DNAI7: variants seen among roughly 807,000 people sequenced by gnomAD.
The protein encoded by DNAI7 is cancer susceptibility 1.
Under a neutral mutation model 86.6 loss-of-function variants are expected in DNAI7, and 78 were observed. That is an observed-to-expected ratio of 0.90 (90% CI 0.75 to 1.09). The LOEUF is 1.09. DNAI7 is among the 50% of genes least tolerant of loss of function. DNAI7 has a pLI of 0.00. For missense variants in DNAI7, 753 were observed against 810.2 expected, an observed-to-expected ratio of 0.93 and a Z score of 0.86; for synonymous variants, 274 against 273.0, an observed-to-expected ratio of 1.00 and a Z score of -0.04.
intron 9 of DNAI7, among the ~76,000 whole-genome samples, chr12:25,142,265 A>G (rs913621869): frequency 6.6e-6 from 1 of 152,118 alleles, no homozygotes; most frequent in Admixed American, 6.6e-5. Flanking sequence ...CAAACATCAC[A>G]TATTCTCACT....
intron 10 of DNAI7, 137 bp downstream of exon 10, chr12:25,123,074 C>A (rs1941569458): frequency 1.7e-6 from 1 of 600,936 alleles, no homozygotes; most frequent in Non-Finnish European, 2.9e-6. Context: ...ACTGGTATCT[C>A]AGAAAAGGGA....
intron 4 of DNAI7, among the ~76,000 whole-genome samples, chr12:25,156,568 C>A (rs1438933063): frequency 6.6e-6 from 1 of 152,000 alleles, no homozygotes; most frequent in Non-Finnish European, 1.5e-5. Context: ...CAGCCTGGCC[C>A]CATCTCTATT....
chr12:25,107,672 A>G (rs1441886997), downstream of DNAI7: 11 of 725,108 alleles, frequency 1.5e-5, no homozygotes, highest in Non-Finnish European at 2.2e-5. Context: ...TGTTTCCAAA[A>G]CCAAAATGAT....
In DNAI7 at chr12:25,114,601, TCAAAATGGTTTAC is replaced by T; in HGVS notation, c.1611+42_1611+54del. The T allele has an allele frequency of 2.5e-6, 3 of 1,194,486 alleles. No homozygotes were observed. The South Asian group carries it at 3.8e-5, about 15-fold the overall frequency. 74.0% of individuals were successfully genotyped at this position (1,194,486 alleles called of 1,614,324 possible). Reference sequence around the variant, plus strand: ...TTGCTTTTGACAAACTAGTATTCCATCAAAATGGTTTACCTCTGATACGATAGTACATAACAGC... The same window carrying T: ...TTGCTTTTGACAAACTAGTATTCCATCTCTGATACGATAGTACATAACAGC... On this transcript the variant is annotated intron_variant, in intron 13 of 15. Transcript: ENST00000395987.
intron 1 of DNAI7, among the ~76,000 whole-genome samples, chr12:25,194,681 A>T (rs905112312): frequency 1.3e-5 from 2 of 152,204 alleles, no homozygotes; most frequent in African/African-American, 4.8e-5. Flanking sequence ...AAGCAGAGTA[A>T]ATTGCATTAG....
chr12:25,130,720 T>C (rs1014885006), intron 9 of DNAI7, among the ~76,000 whole-genome samples: 2 of 152,142 alleles, frequency 1.3e-5, no homozygotes, highest in Non-Finnish European at 2.9e-5. Context: ...GTTCTGAAGG[T>C]AATTCTCATT....
At chr12:25,129,301 C>T (rs192272890) in intron 9 of DNAI7, among the ~76,000 whole-genome samples, 1 of 152,212 alleles carries the variant, frequency 6.6e-6, no homozygotes, top group East Asian at 1.9e-4. Context: ...TTGTTGATTT[C>T]TCCTAACTTG....
At chr12:25,140,554 A>C (rs1944054336) in intron 9 of DNAI7, among the ~76,000 whole-genome samples, 1 of 152,220 alleles carries the variant, frequency 6.6e-6, no homozygotes, top group African/African-American at 2.4e-5. Flanking sequence ...TGCTGAAAGA[A>C]ATCACAGATG....
At chr12:25,107,732 A>T, downstream of DNAI7, 1 of 1,352,776 alleles carries the variant, frequency 7.4e-7, no homozygotes, top group African/African-American at 1.4e-5. Flanking sequence ...TGAAGGGCAG[A>T]TCACCTGACT....
At chr12:25,163,416 C>CT (rs1947060165) in intron 2 of DNAI7, among the ~76,000 whole-genome samples, 1 of 152,178 alleles carries the variant, frequency 6.6e-6, no homozygotes, top group Non-Finnish European at 1.5e-5. Flanking sequence ...TACTGAGCAC[C>CT]TTGTGACCCC....
chr12:25,180,088 TA>T (rs1467476642), intron 2 of DNAI7, among the ~76,000 whole-genome samples: 1 of 152,184 alleles, frequency 6.6e-6, no homozygotes, highest in Non-Finnish European at 1.5e-5. Context: ...ACGACTTCAG[TA>T]AAGTTTCAGG....
chr12:25,126,611 T>C (rs988476080), intron 9 of DNAI7, among the ~76,000 whole-genome samples: 5 of 151,580 alleles, frequency 3.3e-5, no homozygotes, highest in African/African-American at 4.8e-5. Context: ...TAGAGAGTGA[T>C]AACAATTAGC....
At chr12:25,123,365 ACTTCAGATGCCTG>A in intron 9 of DNAI7, 79 bp from the exon 10 acceptor site, 1 of 854,538 alleles carries the variant, frequency 1.2e-6, no homozygotes, top group Admixed American at 3.1e-5. Flanking sequence ...TCCAGTCCTC[ACTTCAGATGCCTG>A]CTACCTTAAT....
At chr12:25,118,285 A>G (rs1209876936) in intron 12 of DNAI7, among the ~76,000 whole-genome samples, 1 of 146,870 alleles carries the variant, frequency 6.8e-6, no homozygotes, top group Admixed American at 6.8e-5. Flanking sequence ...TTGTTTTGAG[A>G]CACAGTCTTG....
intron 3 of DNAI7, 155 bp from the exon 4 acceptor site, chr12:25,158,718 T>G (rs2141005335): frequency 6.8e-7 from 1 of 1,476,006 alleles, no homozygotes; most frequent in Middle Eastern, 2.3e-4. Flanking sequence ...GTGTCAGTTC[T>G]CCTTTCTTCA....
At chr12:25,129,708 GAGA>G (rs1267122403) in intron 9 of DNAI7, among the ~76,000 whole-genome samples, 1 of 152,098 alleles carries the variant, frequency 6.6e-6, no homozygotes, top group African/African-American at 2.4e-5. Context: ...TACCTCATGA[GAGA>G]AGACTTCCAA....
intron 2 of DNAI7, among the ~76,000 whole-genome samples, chr12:25,166,951 T>C (rs1478219769): frequency 6.6e-6 from 1 of 152,192 alleles, no homozygotes; most frequent in Non-Finnish European, 1.5e-5. Context: ...CACTTCTTGT[T>C]GAGTCTCCCA....
In DNAI7 at chr12:25,108,871, TTCAG is replaced by T. The variant is rs1949509265; in HGVS notation, c.1894-52_1894-49del. 2.8e-6 allele frequency: 3 copies of T among 1,086,048 alleles called. No homozygotes were observed. In the African/African-American group the frequency reaches 4.9e-5, roughly 18 times the overall value. The allele number at this position is 1,086,048 out of a possible 1,614,324, so 67.3% of individuals were successfully genotyped here. A position where few individuals can be genotyped will look rare whatever the true frequency, so the allele number is the denominator to read the frequency against. On this transcript the variant is annotated intron_variant, in intron 15 of 15. Coordinates refer to ENST00000395987, the MANE Select transcript of DNAI7 (RefSeq NM_018272.5). Reference sequence around the variant, plus strand: ...CAAGTTGTTAATAATTCCTCTTCTATTCAGTATTTTGGTAGCAGATTATTATTTG... The same window carrying T: ...CAAGTTGTTAATAATTCCTCTTCTATTATTTTGGTAGCAGATTATTATTTG...
At chr12:25,156,923 T>C (rs1946242699) in intron 4 of DNAI7, among the ~76,000 whole-genome samples, 2 of 151,870 alleles carry the variant, frequency 1.3e-5, no homozygotes, top group Admixed American at 6.6e-5. Flanking sequence ...GTTCAGAGGG[T>C]AAGATAGATC....
Sources: allele counts gnomAD v4.1 joint callset (sites outside exome capture counted in the v4.1 genomes callset), GRCh38; gene constraint gnomAD v4.1.1; transcripts MANE v1.5; gene names NCBI Gene and HGNC (gene_info 2026-07-23, HGNC 2026-07-21).